NRXN3: variants seen among roughly 807,000 people sequenced by gnomAD.
The protein encoded by NRXN3 is neurexin 3.
In NRXN3, 32 loss-of-function variants were observed where a neutral mutation model predicts 137.6. That is an observed-to-expected ratio of 0.23 (90% CI 0.18 to 0.31). The LOEUF is 0.31. Among genes scored for constraint, NRXN3 ranks in the 10% least tolerant of loss-of-function variants. The pLI is 1.00. For synonymous variants in NRXN3, 798 were observed against 784.5 expected (o/e 1.02, Z -0.29); for missense variants, 1,574 against 2,062.5 (o/e 0.76, Z 4.59).
intron 19 of NRXN3, among the ~76,000 whole-genome samples, chr14:79,703,532 A>G (rs897891430): frequency 6.6e-6 from 1 of 152,108 alleles, no homozygotes; most frequent in Non-Finnish European, 1.5e-5. Context: ...TAATTTATAA[A>G]GAAAAGAGGT....
At chr14:79,477,264 C>T (rs1047522480) in intron 16 of NRXN3, among the ~76,000 whole-genome samples, 4 of 151,742 alleles carry the variant, frequency 2.6e-5, no homozygotes, top group Non-Finnish European at 5.9e-5. Flanking sequence ...TCAATTGGAC[C>T]GTAATGAATG....
At chr14:79,182,766 A>G (rs537919008) in intron 15 of NRXN3, among the ~76,000 whole-genome samples, 13 of 152,342 alleles carry the variant, frequency 8.5e-5, no homozygotes, top group Non-Finnish European at 1.2e-4. Flanking sequence ...TAGGATTAAG[A>G]CAGGCATTAA....
intron 15 of NRXN3, among the ~76,000 whole-genome samples, chr14:79,090,959 C>A (rs1416642607): frequency 6.6e-6 from 1 of 151,956 alleles, no homozygotes; most frequent in African/African-American, 2.4e-5. Context: ...CCAGAGCACA[C>A]AAACCATGTG....
intron 2 of NRXN3, among the ~76,000 whole-genome samples, chr14:78,263,007 A>C (rs1218006871): frequency 2.0e-5 from 3 of 152,082 alleles, no homozygotes; most frequent in Non-Finnish European, 2.9e-5. Context: ...TCCTGCATGA[A>C]AACAATAAAA....
chr14:79,139,595 C>T (rs186974878), intron 15 of NRXN3, among the ~76,000 whole-genome samples: 93 of 152,152 alleles, frequency 6.1e-4, no homozygotes, highest in African/African-American at 1.8e-3. Flanking sequence ...TGACTTGCTG[C>T]GAGTGTGTCA....
intron 15 of NRXN3, chr14:79,280,215 T>G: frequency 6.3e-7 from 1 of 1,584,858 alleles, no homozygotes. Context: ...TGATGGGCCC[T>G]TGGGCATCAT....
At position 78,457,401 on chromosome 14, in the gene NRXN3, T is replaced by C. The variant is rs562505654; in HGVS notation, c.757+159541T>C. Reference sequence around the variant, plus strand: ...CAGAGCGAGGATGATGGTGGAAAGATGCAAGGCCCCCTCACTTCGTTATTA... The same window carrying C: ...CAGAGCGAGGATGATGGTGGAAAGACGCAAGGCCCCCTCACTTCGTTATTA... On this transcript the variant is annotated intron_variant, in intron 4 of 20. Transcript: ENST00000335750. Among the ~76,000 whole-genome samples, 3 of 152,212 alleles carry C rather than the reference T, an allele frequency of 2.0e-5. No homozygotes were observed. In the South Asian group the frequency reaches 6.2e-4, roughly 32 times the overall value.
At chr14:79,170,984 A>G (rs544485843) in intron 15 of NRXN3, among the ~76,000 whole-genome samples, 2 of 152,170 alleles carry the variant, frequency 1.3e-5, no homozygotes, top group South Asian at 2.1e-4. Context: ...CTCCTTTAGT[A>G]TGTCTCAGCG....
At chr14:79,168,741 C>T (rs958316185) in intron 15 of NRXN3, among the ~76,000 whole-genome samples, 9 of 152,060 alleles carry the variant, frequency 5.9e-5, no homozygotes, top group African/African-American at 2.2e-4. Context: ...TTCGCAAATG[C>T]AGCATTTCCT....
At chr14:78,437,028 T>C (rs1169094682) in intron 4 of NRXN3, among the ~76,000 whole-genome samples, 1 of 152,214 alleles carries the variant, frequency 6.6e-6, no homozygotes, top group African/African-American at 2.4e-5. Context: ...TGCTTATCCT[T>C]TCTATGCCTC....
intron 15 of NRXN3, among the ~76,000 whole-genome samples, chr14:79,113,740 C>A (rs567634388): frequency 1.6e-4 from 24 of 152,282 alleles, no homozygotes; most frequent in Non-Finnish European, 3.1e-4. Flanking sequence ...GTGTACTTAT[C>A]TTTGACTTCC....
intron 8 of NRXN3, among the ~76,000 whole-genome samples, chr14:78,738,074 A>G (rs1053330936): frequency 6.6e-6 from 1 of 152,176 alleles, no homozygotes; most frequent in African/African-American, 2.4e-5. Context: ...TTTCCTTTCC[A>G]TCTGTTACCA....
chr14:79,831,661 C>T (rs1472778253), intron 20 of NRXN3, among the ~76,000 whole-genome samples: 2 of 152,138 alleles, frequency 1.3e-5, no homozygotes, highest in Non-Finnish European at 2.9e-5. Flanking sequence ...TGAGCGCTCT[C>T]AGTTTGTACC....
intron 9 of NRXN3, among the ~76,000 whole-genome samples, chr14:78,808,419 C>A (rs1203391843): frequency 6.6e-6 from 1 of 152,192 alleles, no homozygotes. Flanking sequence ...TAGGCTCACT[C>A]TTCCTCTCAT....
intron 15 of NRXN3, among the ~76,000 whole-genome samples, chr14:79,262,882 G>A (rs998476658): frequency 2.0e-5 from 3 of 152,068 alleles, no homozygotes; most frequent in East Asian, 1.9e-4. Context: ...GGTAGCTTTC[G>A]GACTCTACTT....
At chr14:79,122,309 C>T (rs1169243760) in intron 15 of NRXN3, among the ~76,000 whole-genome samples, 1 of 152,178 alleles carries the variant, frequency 6.6e-6, no homozygotes, top group Non-Finnish European at 1.5e-5. Flanking sequence ...CACATCACTG[C>T]AGGCTGAGGG....
chr14:79,596,003 A>C (rs1281216438), intron 16 of NRXN3, among the ~76,000 whole-genome samples: 6 of 151,330 alleles, frequency 4.0e-5, no homozygotes, highest in African/African-American at 1.5e-4. Context: ...CCGTGGGGGA[A>C]CGGGTCTCTT....
intron 4 of NRXN3, among the ~76,000 whole-genome samples, chr14:78,399,624 C>A (rs1372653771): frequency 6.6e-6 from 1 of 152,188 alleles, no homozygotes; most frequent in Non-Finnish European, 1.5e-5. Flanking sequence ...TCTGCTCTAC[C>A]CTTCCATACT....
At chr14:79,213,152 T>G (rs75118976) in intron 15 of NRXN3, among the ~76,000 whole-genome samples, 1 of 152,112 alleles carries the variant, frequency 6.6e-6, no homozygotes, top group Non-Finnish European at 1.5e-5. Context: ...CACCTCCATT[T>G]TTCCCCTGTC....
Sources: allele counts gnomAD v4.1 joint callset (sites outside exome capture counted in the v4.1 genomes callset), GRCh38; gene constraint gnomAD v4.1.1; transcripts MANE v1.5; gene names NCBI Gene and HGNC (gene_info 2026-07-23, HGNC 2026-07-21).